TENM3: variants seen among roughly 807,000 people sequenced by gnomAD.
TENM3 encodes the protein teneurin-3.
A neutral mutation model predicts 255.1 loss-of-function variants in TENM3; 63 were observed. The ratio of observed to expected loss-of-function variants is 0.25; its 90% CI spans 0.20 to 0.30. The LOEUF is 0.30. TENM3 is among the 10% of genes least tolerant of loss of function. The pLI, the probability that TENM3 is intolerant of heterozygous loss-of-function variation, is 1.00. For synonymous variants in TENM3, 1,306 were observed against 1,322.3 expected, an observed-to-expected ratio of 0.99 and a Z score of 0.27; for missense variants, 2,929 against 3,461.1, an observed-to-expected ratio of 0.85 and a Z score of 3.86.
chr4:182,261,472 C>T (rs1003796735), intron 1 of TENM3, among the ~76,000 whole-genome samples: 9 of 152,136 alleles, frequency 5.9e-5, no homozygotes, highest in Admixed American at 1.3e-4. Context: ...GTCAGCACCC[C>T]GTGTTTGTCC....
At chr4:182,674,783 C>G (rs917829472) in intron 7 of TENM3, among the ~76,000 whole-genome samples, 3 of 152,256 alleles carry the variant, frequency 2.0e-5, no homozygotes, top group East Asian at 1.9e-4. Flanking sequence ...ACCATGTTGC[C>G]CAGGCTGCTC....
At chr4:182,349,268 C>G (rs1365378775) in intron 3 of TENM3, among the ~76,000 whole-genome samples, 1 of 152,074 alleles carries the variant, frequency 6.6e-6, no homozygotes, top group Admixed American at 6.5e-5. Context: ...CAAATGAGAG[C>G]AGTTTAAAGA....
intron 3 of TENM3, among the ~76,000 whole-genome samples, chr4:182,435,913 C>G (rs746468375): frequency 1.3e-5 from 2 of 151,628 alleles, no homozygotes; most frequent in Non-Finnish European, 2.9e-5. Flanking sequence ...TTATATTTTA[C>G]TCTTTGGAAA....
chr4:181,592,334 CTT>C, the TENM3 span, among the ~76,000 whole-genome samples: 7,882 of 137,158 alleles, frequency 0.057, 239 homozygotes, highest in Middle Eastern at 0.089. Context: ...CCATATGGCT[CTT>C]TTTTTTTTTT....
At chr4:182,743,464 C>A in intron 19 of TENM3, 45 bp downstream of exon 19, 2 of 1,585,670 alleles carry the variant, frequency 1.3e-6, no homozygotes, top group South Asian at 1.1e-5. Flanking sequence ...GCTAAACGTG[C>A]CTCTTTAAAA....
At chr4:182,010,329 T>C in the TENM3 span, among the ~76,000 whole-genome samples, 2 of 152,278 alleles carry the variant, frequency 1.3e-5, no homozygotes, top group Middle Eastern at 3.4e-3. Flanking sequence ...CATTTGTACA[T>C]ACAAGTCTCT....
At chr4:181,542,084 A>T in the TENM3 span, among the ~76,000 whole-genome samples, 87 of 152,216 alleles carry the variant, frequency 5.7e-4, no homozygotes, top group African/African-American at 2.1e-3. Flanking sequence ...AAATTTTAGC[A>T]TGGAAAGACA....
chr4:182,167,847 G>C lies in TENM3; in HGVS notation c.-76+23093G>C, dbSNP rs569684520. ...TGCAGTGAGCTGAGATCATGCCACT[G>C]TGCTCCAGCCTGGGTGACGGAGTCA... On this transcript the variant is annotated intron_variant, in intron 1 of 2. Coordinates refer to the TENM3 transcript ENST00000512480. Among the ~76,000 whole-genome samples, 118 of 152,266 alleles carry C rather than the reference G, an allele frequency of 7.7e-4. 2 individuals are homozygous for C. In the South Asian group the frequency reaches 0.023, roughly 30 times the overall value.
At chr4:181,644,072 T>C in the TENM3 span, among the ~76,000 whole-genome samples, 1 of 123,246 alleles carries the variant, frequency 8.1e-6, no homozygotes, top group Admixed American at 9.4e-5. Context: ...CAAGACTCCA[T>C]CTCAAAAAAA....
chr4:181,905,220 T>C, the TENM3 span, among the ~76,000 whole-genome samples: 4 of 152,218 alleles, frequency 2.6e-5, no homozygotes, highest in Non-Finnish European at 5.9e-5. Flanking sequence ...CCTGGCATAA[T>C]TATATATATT....
At position 182,199,720 on chromosome 4, in the gene TENM3, CTT is replaced by C. The variant is rs367906246; in HGVS notation, c.-76+54988_-76+54989del. ...TAGATGGCTTTGTGGAACATCATTG[CTT>C]TTTTTTTTTTTTTTTTTTTTTGAGA... On this transcript the variant is annotated intron_variant, in intron 1 of 2. Transcript: ENST00000512480. Among the ~76,000 whole-genome samples the C allele has an allele frequency of 2.7e-3, 283 of 104,806 alleles. 1 individual carries two copies. Among genetic ancestry groups the C allele is most frequent in the African/African-American group, 0.01 (267 of 26,630 alleles). The allele number at this position is 104,806 out of a possible 152,430, so 68.8% of individuals were successfully genotyped here.
At position 182,799,700 on chromosome 4, in the gene TENM3, G is replaced by A; in HGVS notation, c.7449G>A (p.Ala2483=). 3 of 1,550,086 alleles carry A rather than the reference G, an allele frequency of 1.9e-6. No homozygotes were observed. Among genetic ancestry groups the A allele is most frequent in the Non-Finnish European group, 2.6e-6 (3 of 1,146,902 alleles). The change falls in exon 28 of 28, where the codon GCG becomes GCA. Residue 2483 remains alanine, a synonymous_variant. Transcript: ENST00000511685. The surrounding 1 kb of genome is among the most constrained non-coding windows in gnomAD (Gnocchi z 4.2). ...VQVSRRRAGG[A]QSWLWFATVK... is the part of the protein sequence containing the mutation. ...TGAGCCGGCGCCGGGCCGGCGGCGC[G>A]CAGTCCTGGCTGTGGTTCGCCACGG... is the stretch of plus-strand genomic sequence containing the variant.
intron 4 of TENM3, among the ~76,000 whole-genome samples, chr4:182,603,379 TTTG>T (rs950061011): frequency 6.6e-6 from 1 of 152,316 alleles, no homozygotes; most frequent in East Asian, 1.9e-4. Context: ...AATCTAAAAA[TTTG>T]TTGTTACACT....
Position 182,172,247 on chromosome 4 carries a change from A to G in TENM3, c.-76+27493A>G, listed in dbSNP as rs78413184. Among the ~76,000 whole-genome samples the G allele has an allele frequency of 9.5e-3, 1,446 of 152,276 alleles. 24 individuals are homozygous for G. Among genetic ancestry groups the G allele is most frequent in the African/African-American group, 0.033 (1,380 of 41,540 alleles). On this transcript the variant is annotated intron_variant, in intron 1 of 2. Coordinates refer to the TENM3 transcript ENST00000512480. Reference sequence around the variant, plus strand: ...CACTGGATGTGTATTTAAGAAGGGTATACTGCAGACCTAGTAAGTGCACAG... The same window carrying G: ...CACTGGATGTGTATTTAAGAAGGGTGTACTGCAGACCTAGTAAGTGCACAG...
At chr4:182,600,042 C>T (rs1164704186) in intron 3 of TENM3, among the ~76,000 whole-genome samples, 1 of 152,192 alleles carries the variant, frequency 6.6e-6, no homozygotes, top group Admixed American at 6.5e-5. Context: ...AATTTTCTAG[C>T]AGTTACAACA....
At chr4:182,656,674 AAGCAT>A (rs1388628585) in intron 6 of TENM3, among the ~76,000 whole-genome samples, 1 of 152,230 alleles carries the variant, frequency 6.6e-6, no homozygotes, top group Admixed American at 6.5e-5. Context: ...GAACTGTGAA[AAGCAT>A]AGTGAGAAAA....
At chr4:182,517,943 A>G (rs1041742474) in intron 3 of TENM3, among the ~76,000 whole-genome samples, 1 of 152,188 alleles carries the variant, frequency 6.6e-6, no homozygotes, top group Admixed American at 6.5e-5. Flanking sequence ...AAATACAAAT[A>G]GTCCCCTACA....
chr4:182,323,727 A>G (rs929153909), intron 1 of TENM3, among the ~76,000 whole-genome samples: 1 of 152,196 alleles, frequency 6.6e-6, no homozygotes, highest in Non-Finnish European at 1.5e-5. Context: ...AGTAGCTTCA[A>G]TAAACACTCA....
At chr4:182,410,736 C>G (rs968932374) in intron 3 of TENM3, among the ~76,000 whole-genome samples, 2 of 151,486 alleles carry the variant, frequency 1.3e-5, no homozygotes, top group African/African-American at 4.9e-5. Flanking sequence ...GAAGAGCACA[C>G]GAGCAAAAAT....
Sources: allele counts gnomAD v4.1 joint callset (sites outside exome capture counted in the v4.1 genomes callset), GRCh38; gene constraint gnomAD v4.1.1; non-coding constraint Gnocchi (gnomAD v3.1); transcripts MANE v1.5; gene names NCBI Gene and HGNC (gene_info 2026-07-23, HGNC 2026-07-21).